The following ITSN1 variants were observed in gnomAD, a reference collection of about 807,000 sequenced individuals.
The protein encoded by ITSN1 is intersectin-1.
Under a neutral mutation model 239.8 loss-of-function variants are expected in ITSN1, and 58 were observed. The observed-to-expected ratio is 0.24, with a 90% CI of 0.20 to 0.30. The LOEUF (loss-of-function observed/expected upper bound fraction) is 0.30, where lower values mean the gene tolerates loss of function less well. Among genes scored for constraint, ITSN1 ranks in the 10% least tolerant of loss-of-function variants. The probability of loss-of-function intolerance (pLI) is 1.00; values close to 1 mark genes in which losing one functional copy is unlikely to be tolerated. For synonymous variants in ITSN1, 780 were observed against 770.8 expected, an observed-to-expected ratio of 1.01 and a Z score of -0.20; for missense variants, 1,558 against 2,103.3, an observed-to-expected ratio of 0.74 and a Z score of 5.07.
intron 30 of ITSN1, among the ~76,000 whole-genome samples, chr21:33,858,311 G>A (rs565391610): frequency 2.0e-5 from 3 of 152,302 alleles, no homozygotes; most frequent in East Asian, 3.9e-4. Flanking sequence ...CACAGCCACC[G>A]GCACCTTTAA....
At chr21:33,811,265 A>G in intron 21 of ITSN1, 43 bp downstream of exon 21, 1 of 1,517,340 alleles carries the variant, frequency 6.6e-7, no homozygotes, top group South Asian at 1.3e-5. Context: ...TGAAATCCCA[A>G]TTTGATCATT....
intron 1 of ITSN1, among the ~76,000 whole-genome samples, chr21:33,693,686 T>C (rs934798580): frequency 1.3e-5 from 2 of 152,236 alleles, no homozygotes; most frequent in Admixed American, 6.5e-5. Flanking sequence ...CCTGCAATGC[T>C]GTTCCCACTT....
At chr21:33,742,504 T>A (rs1043691758) in intron 5 of ITSN1, among the ~76,000 whole-genome samples, 1 of 152,156 alleles carries the variant, frequency 6.6e-6, no homozygotes, top group Non-Finnish European at 1.5e-5. Context: ...CCAAAATAGC[T>A]AACAGGTATT....
At chr21:33,792,267 C>T (rs1383178113) in intron 16 of ITSN1, among the ~76,000 whole-genome samples, 2 of 152,008 alleles carry the variant, frequency 1.3e-5, no homozygotes, top group Non-Finnish European at 2.9e-5. Flanking sequence ...TGCAGTGGCG[C>T]GATCTTGGCT....
intron 25 of ITSN1, 25 bp from the exon 26 acceptor site, chr21:33,826,793 A>T: frequency 6.2e-7 from 1 of 1,610,978 alleles, no homozygotes; most frequent in Non-Finnish European, 8.5e-7. Flanking sequence ...CAGCATGCAA[A>T]TGAGACCTTT....
At chr21:33,806,031 G>C (rs1425980617) in intron 20 of ITSN1, among the ~76,000 whole-genome samples, 1 of 131,650 alleles carries the variant, frequency 7.6e-6, no homozygotes, top group Non-Finnish European at 1.6e-5. Flanking sequence ...GTGAAACCCC[G>C]TCTCTACTAA....
intron 29 of ITSN1, among the ~76,000 whole-genome samples, chr21:33,847,992 G>A (rs957082718): frequency 7.2e-5 from 11 of 152,170 alleles, no homozygotes; most frequent in African/African-American, 1.2e-4. Context: ...AACTCCTTGC[G>A]TGACCCCAGT....
At position 33,889,406 on chromosome 21, in the gene ITSN1, C is replaced by T. The variant is rs970695427; in HGVS notation, c.*1106C>T. The T allele has an allele frequency of 6.6e-5, 10 of 152,246 alleles. No homozygotes were observed. In the East Asian group the frequency reaches 9.7e-4, roughly 15 times the overall value. 9.4% of individuals were successfully genotyped at this position (152,246 alleles called of 1,614,324 possible). A position where few individuals can be genotyped will look rare whatever the true frequency, so the allele number is the denominator to read the frequency against. ...AGGAGGATGCAAGCCCCGCACATCC[C>T]GGGGCAAAGACCTAAGACACTTTTC... On this transcript the variant is annotated 3_prime_UTR_variant, in exon 40 of 40. Coordinates refer to ENST00000381318, the MANE Select transcript of ITSN1 (RefSeq NM_003024.3).
rs1353104948 is a variant in ITSN1, at chr21:33,867,241, A to G, written c.4083A>G (p.Ala1361=). 6.2e-6 allele frequency: 10 copies of G among 1,603,352 alleles called. No individual in the cohort carries two copies. Among genetic ancestry groups the G allele is most frequent in the Non-Finnish European group, 7.7e-6 (9 of 1,170,414 alleles). Residue 1361 remains alanine (A), a synonymous_variant, in exon 33 of 40, where the codon GCA becomes GCG. Transcript: ENST00000381318. ...AAAACATCTCATTTCAGAGATTGGCAATGGATCCTCGGTGTAAAGGGATGC... is the reference window on the plus strand; with the variant it reads ...AAAACATCTCATTTCAGAGATTGGCGATGGATCCTCGGTGTAAAGGGATGC... ...PDFKEFVKRL[A]MDPRCKGMPL...
chr21:33,787,464 T>C (rs879845106), intron 16 of ITSN1, among the ~76,000 whole-genome samples: 3 of 152,218 alleles, frequency 2.0e-5, no homozygotes, highest in Non-Finnish European at 4.4e-5. Context: ...CCCATAATGC[T>C]ACCTGTTCTA....
In ITSN1 at chr21:33,880,538, C is replaced by G. The variant is rs138797917; in HGVS notation, c.4342-1705C>G. On this transcript the variant is annotated intron_variant, in intron 34 of 39. Transcript: ENST00000381318. ...CCCTCCACAGGAGGTCAGAGGTCAT[C>G]TTTCCTCCTCGTGGCTGACAGCAGA... is the stretch of plus-strand genomic sequence containing the variant. 2.0e-3 allele frequency among the ~76,000 whole-genome samples: 302 copies of G among 152,308 alleles called. 1 individual carries two copies. Among genetic ancestry groups the G allele is most frequent in the African/African-American group, 6.1e-3 (254 of 41,572 alleles).
intron 1 of ITSN1, among the ~76,000 whole-genome samples, chr21:33,673,391 C>A (rs2090416039): frequency 6.6e-6 from 1 of 152,168 alleles, no homozygotes; most frequent in African/African-American, 2.4e-5. Context: ...ACTCTTAACA[C>A]ACACACGTAG....
At chr21:33,739,828 A>T (rs992137640) in intron 5 of ITSN1, among the ~76,000 whole-genome samples, 10 of 152,216 alleles carry the variant, frequency 6.6e-5, no homozygotes, top group African/African-American at 2.4e-4. Context: ...ACAACAGATT[A>T]AGCAGAAGAG....
chr21:33,672,719 T>G (rs114433951), intron 1 of ITSN1, among the ~76,000 whole-genome samples: 4,271 of 152,078 alleles, frequency 0.028, 195 homozygotes, highest in African/African-American at 0.099. Flanking sequence ...AAACGATTTT[T>G]TTTTTTTTTT....
At chr21:33,873,644 G>A (rs1422095260) in intron 33 of ITSN1, among the ~76,000 whole-genome samples, 2 of 152,148 alleles carry the variant, frequency 1.3e-5, no homozygotes, top group African/African-American at 4.8e-5. Context: ...GCTGAGGCAG[G>A]CAGATCACTT....
At chr21:33,822,033 A>G in intron 24 of ITSN1, among the ~76,000 whole-genome samples, 1 of 152,252 alleles carries the variant, frequency 6.6e-6, no homozygotes, top group East Asian at 1.9e-4. Flanking sequence ...ATGTGTTACC[A>G]GCGCCTCAGG....
chr21:33,725,411 G>C (rs779038589), intron 4 of ITSN1, among the ~76,000 whole-genome samples: 15 of 152,034 alleles, frequency 9.9e-5, no homozygotes, highest in Non-Finnish European at 2.2e-4. Flanking sequence ...TGGGATTACA[G>C]GCGTGAGTCA....
rs1386269449 is a variant in ITSN1 at position 33,645,599 on chromosome 21, A to G, written c.-33+2886A>G. 2.0e-5 allele frequency among the ~76,000 whole-genome samples: 3 copies of G among 152,342 alleles called. No individual in the cohort carries two copies. The East Asian group carries it at 5.8e-4, about 29-fold the overall frequency. ...CAGGAGATGGAGGCTGCAGTGAGCC[A>G]TGATTGCCCTACTGCATTCTAGCCT... On this transcript the variant is annotated intron_variant, in intron 1 of 39. Transcript: ENST00000381318.
chr21:33,652,913 T>C lies in ITSN1; in HGVS notation c.-33+10200T>C, dbSNP rs113611576. Among the ~76,000 whole-genome samples, 828 of 152,240 alleles carry C rather than the reference T, an allele frequency of 5.4e-3. 17 individuals carry two copies. Among genetic ancestry groups the C allele is most frequent in the African/African-American group, 0.019 (800 of 41,488 alleles). On this transcript the variant is annotated intron_variant, in intron 1 of 39. Coordinates refer to ENST00000381318, the MANE Select transcript of ITSN1 (RefSeq NM_003024.3). ...TGTTAGTAGCAATAATTAGTACTAA[T>C]TGTAGGCATCGTTCCCCAAAACTGA...
Sources: allele counts gnomAD v4.1 joint callset (sites outside exome capture counted in the v4.1 genomes callset), GRCh38; gene constraint gnomAD v4.1.1; transcripts MANE v1.5; gene names NCBI Gene and HGNC (gene_info 2026-07-23, HGNC 2026-07-21).